FGF10: variants seen among roughly 807,000 people sequenced by gnomAD.
FGF10 encodes the protein fibroblast growth factor 10, also known as FGF-10.
In FGF10, 2 loss-of-function variants were observed where a neutral mutation model predicts 19.8. The ratio of observed to expected loss-of-function variants is 0.10; its 90% CI spans 0.04 to 0.32. The LOEUF is 0.32. FGF10 is among the 10% of genes least tolerant of loss of function. The pLI is 1.00. For missense variants in FGF10, 191 were observed against 246.3 expected (o/e 0.78, Z 1.50); for synonymous variants, 112 against 94.0 (o/e 1.19, Z -1.10).
At chr5:44,322,175 G>A (rs575484809) in intron 1 of FGF10, among the ~76,000 whole-genome samples, 12 of 152,242 alleles carry the variant, frequency 7.9e-5, no homozygotes, top group Admixed American at 6.5e-4. Flanking sequence ...ATCACCACTG[G>A]CAGCACATTT....
intron 1 of FGF10, among the ~76,000 whole-genome samples, chr5:44,343,731 C>T (rs1218973575): frequency 6.6e-6 from 1 of 151,934 alleles, no homozygotes; most frequent in East Asian, 1.9e-4. Context: ...CATATAGCCA[C>T]AATTTAACCA....
chr5:44,311,411 G>A (rs1007500286), intron 1 of FGF10, among the ~76,000 whole-genome samples: 1 of 152,064 alleles, frequency 6.6e-6, no homozygotes, highest in African/African-American at 2.4e-5. Flanking sequence ...TCAGCAGTTT[G>A]TTCAGGGTAG....
intron 1 of FGF10, among the ~76,000 whole-genome samples, chr5:44,377,618 T>C (rs763350027): frequency 6.6e-6 from 1 of 152,228 alleles, no homozygotes; most frequent in Non-Finnish European, 1.5e-5. Flanking sequence ...TCTTCTATTC[T>C]TTATTTTAAG....
intron 1 of FGF10, among the ~76,000 whole-genome samples, chr5:44,387,293 C>T (rs1742123582): frequency 1.3e-5 from 2 of 152,070 alleles, no homozygotes; most frequent in African/African-American, 4.8e-5. Flanking sequence ...TAGTTCTCTT[C>T]CCCCAACCAG....
chr5:44,361,271 T>C (rs1015010116), intron 1 of FGF10, among the ~76,000 whole-genome samples: 1 of 151,684 alleles, frequency 6.6e-6, no homozygotes, highest in African/African-American at 2.4e-5. Context: ...TTTATTGCTT[T>C]CTGAGTTCAA....
At chr5:44,379,556 T>A (rs1315988910) in intron 1 of FGF10, among the ~76,000 whole-genome samples, 1 of 152,220 alleles carries the variant, frequency 6.6e-6, no homozygotes, top group African/African-American at 2.4e-5. Context: ...AAGCCCATAC[T>A]TTTAATCACT....
intron 1 of FGF10, among the ~76,000 whole-genome samples, chr5:44,366,127 C>CTTTTTTTTTTTTTTTTTTTTTTTTTTT (rs35522683): frequency 1.3e-5 from 1 of 74,810 alleles, no homozygotes; most frequent in Non-Finnish European, 2.3e-5. Flanking sequence ...CAATTATTTC[C>CTTTTTTTTTTTTTTTTTTTTTTTTTTT]TTTTTTTTTT....
At chr5:44,347,829 T>C (rs1741121923) in intron 1 of FGF10, among the ~76,000 whole-genome samples, 1 of 151,664 alleles carries the variant, frequency 6.6e-6, no homozygotes, top group South Asian at 2.1e-4. Flanking sequence ...TGTCTCAAGG[T>C]TTTTATTGTT....
At chr5:44,307,955 G>T (rs895098855) in intron 2 of FGF10, among the ~76,000 whole-genome samples, 1 of 152,228 alleles carries the variant, frequency 6.6e-6, no homozygotes, top group African/African-American at 2.4e-5. Flanking sequence ...TCTACCAGAG[G>T]TTAGGTTTAT....
chr5:44,370,392 T>C (rs1741717482), intron 1 of FGF10, among the ~76,000 whole-genome samples: 2 of 152,142 alleles, frequency 1.3e-5, no homozygotes, highest in Non-Finnish European at 2.9e-5. Flanking sequence ...TAAAAATCCT[T>C]GAATGGCACT....
intron 1 of FGF10, among the ~76,000 whole-genome samples, chr5:44,384,227 C>T (rs144774157): frequency 6.6e-6 from 1 of 152,134 alleles, no homozygotes; most frequent in East Asian, 1.9e-4. Flanking sequence ...AAATGACATT[C>T]ATGGATTTTT....
At chr5:44,379,516 C>T (rs903075410) in intron 1 of FGF10, among the ~76,000 whole-genome samples, 21 of 152,166 alleles carry the variant, frequency 1.4e-4, no homozygotes, top group South Asian at 4.1e-4. Flanking sequence ...GCTTTCACTC[C>T]GGGACTATAC....
chr5:44,372,748 A>T (rs983830617), intron 1 of FGF10, among the ~76,000 whole-genome samples: 19 of 152,332 alleles, frequency 1.2e-4, no homozygotes, highest in African/African-American at 4.3e-4. Context: ...GTAGTATAAC[A>T]GTTATAAACA....
At chr5:44,344,982 A>G (rs1741055540) in intron 1 of FGF10, among the ~76,000 whole-genome samples, 1 of 151,942 alleles carries the variant, frequency 6.6e-6, no homozygotes, top group Admixed American at 6.6e-5. Context: ...GGGTGCCTAA[A>G]AAACTTTAGT....
intron 1 of FGF10, among the ~76,000 whole-genome samples, chr5:44,327,764 T>C (rs184125308): frequency 6.6e-6 from 1 of 152,342 alleles, no homozygotes; most frequent in East Asian, 1.9e-4. Context: ...AATTCTTTTC[T>C]GTATGTGGAG....
At chr5:44,315,019 T>A (rs907514508) in intron 1 of FGF10, among the ~76,000 whole-genome samples, 3 of 152,170 alleles carry the variant, frequency 2.0e-5, no homozygotes, top group African/African-American at 7.2e-5. Context: ...AATGGAATTC[T>A]ATAGACTGAG....
At chr5:44,351,784 T>A (rs1741239042) in intron 1 of FGF10, among the ~76,000 whole-genome samples, 1 of 151,708 alleles carries the variant, frequency 6.6e-6, no homozygotes, top group Admixed American at 6.6e-5. Context: ...GAGTCAATAG[T>A]TTATGATTCA....
intron 1 of FGF10, among the ~76,000 whole-genome samples, chr5:44,356,300 G>A (rs1741345840): frequency 1.3e-5 from 2 of 151,282 alleles, no homozygotes; most frequent in Non-Finnish European, 3.0e-5. Context: ...AACTCACTTT[G>A]TCCCCATTGG....
intron 1 of FGF10, among the ~76,000 whole-genome samples, chr5:44,345,022 G>A (rs1016551235): frequency 6.6e-6 from 1 of 151,764 alleles, no homozygotes; most frequent in African/African-American, 2.4e-5. Flanking sequence ...ATTAGAGATT[G>A]TCTGTAACTT....
Sources: allele counts gnomAD v4.1 joint callset (sites outside exome capture counted in the v4.1 genomes callset), GRCh38; gene constraint gnomAD v4.1.1; transcripts MANE v1.5; gene names NCBI Gene and HGNC (gene_info 2026-07-23, HGNC 2026-07-21).